CUBN: variants seen among roughly 807,000 people sequenced by gnomAD.
CUBN encodes 460 kDa receptor.
In CUBN, 282 loss-of-function variants were observed where a neutral mutation model predicts 405.3. That is an observed-to-expected ratio of 0.70 (90% CI 0.63 to 0.77). The LOEUF (loss-of-function observed/expected upper bound fraction) is 0.77, where lower values mean the gene tolerates loss of function less well. CUBN is among the 30% of genes least tolerant of loss of function. CUBN has a pLI of 0.00. For missense variants in CUBN, 4,514 were observed against 4,475.2 expected (o/e 1.01, Z -0.25); for synonymous variants, 1,684 against 1,617.0 (o/e 1.04, Z -0.99).
intron 59 of CUBN, among the ~76,000 whole-genome samples, chr10:16,866,406 C>A (rs1169785574): frequency 6.6e-6 from 1 of 152,108 alleles, no homozygotes; most frequent in Admixed American, 6.5e-5. Context: ...CACACATAAA[C>A]AGAGTCAAGG....
At chr10:17,010,147 G>C (rs181450087) in intron 28 of CUBN, among the ~76,000 whole-genome samples, 1 of 152,222 alleles carries the variant, frequency 6.6e-6, no homozygotes, top group African/African-American at 2.4e-5. Context: ...TGGGTAGCAC[G>C]TATGCTCTGG....
intron 31 of CUBN, among the ~76,000 whole-genome samples, chr10:16,957,725 G>A (rs996230069): frequency 6.6e-6 from 1 of 152,010 alleles, no homozygotes; most frequent in Non-Finnish European, 1.5e-5. Flanking sequence ...TCTCACTCCT[G>A]GGATAAGCAG....
chr10:16,929,893 T>C (rs745573238), intron 40 of CUBN, among the ~76,000 whole-genome samples: 18 of 152,206 alleles, frequency 1.2e-4, no homozygotes, highest in Non-Finnish European at 2.2e-4. Context: ...ATTTCTTTTC[T>C]AAAATTCACT....
intron 60 of CUBN, among the ~76,000 whole-genome samples, chr10:16,848,585 C>CTG (rs1839587287): frequency 6.6e-6 from 1 of 151,274 alleles, no homozygotes; most frequent in Admixed American, 6.6e-5. Flanking sequence ...AGTCCCCATA[C>CTG]TCTCCGTCTC....
intron 36 of CUBN, among the ~76,000 whole-genome samples, chr10:16,941,364 T>C (rs1842646121): frequency 1.3e-5 from 2 of 152,134 alleles, no homozygotes; most frequent in African/African-American, 4.8e-5. Context: ...ACTAACTTAA[T>C]ATTTCTCAAG....
chr10:17,086,429 C>T (rs1050502929), intron 15 of CUBN, among the ~76,000 whole-genome samples: 4 of 151,956 alleles, frequency 2.6e-5, no homozygotes, highest in Non-Finnish European at 5.9e-5. Context: ...CCATTGATGC[C>T]AACTGATTCA....
Position 17,113,889 on chromosome 10 carries a change from G to A in CUBN, c.883+138C>T, listed in dbSNP as rs117390818. 648 of 850,300 alleles carry A rather than the reference G, an allele frequency of 7.6e-4. 4 individuals are homozygous for A. In the East Asian group the frequency reaches 0.014, roughly 18 times the overall value. 52.7% of individuals were successfully genotyped at this position (850,300 alleles called of 1,614,324 possible). On this transcript the variant is annotated intron_variant, in intron 8 of 66. Coordinates refer to ENST00000377833, the MANE Select transcript of CUBN (RefSeq NM_001081.4). ...GAATTGTGATAGCAGTGAGATCGTC[G>A]AGCAGAACCAGGACACAAAACTGGA...
rs1426105668 is a variant in CUBN at position 16,903,958 on chromosome 10, A to G, written c.8062+8T>C. On this transcript the variant is annotated splice_region_variant and intron_variant, in intron 51 of 66. Transcript: ENST00000377833. ...TAATTTTATCAAGATCTTAATTATA[A>G]TTCTTACCTGTAAAGGAATACTTTG... 3.2e-6 allele frequency: 5 copies of G among 1,586,756 alleles called. 1 individual carries two copies. The highest frequency in any genetic ancestry group is 3.3e-4 in the Middle Eastern group (2 of 6,020).
At chr10:17,128,652 T>C (rs958118277) in intron 2 of CUBN, among the ~76,000 whole-genome samples, 1 of 152,170 alleles carries the variant, frequency 6.6e-6, no homozygotes, top group African/African-American at 2.4e-5. Flanking sequence ...TCTTTTAGCA[T>C]ACTCCCTCTA....
Position 16,937,709 on chromosome 10 carries a change from T to A in CUBN, c.5809A>T (p.Thr1937Ser). The A allele has an allele frequency of 1.2e-6, 2 of 1,614,116 alleles. No individual in the cohort carries two copies. Among genetic ancestry groups the A allele is most frequent in the Non-Finnish European group, 1.7e-6 (2 of 1,180,004 alleles). The change falls in exon 39 of 67, where the codon ACT (threonine) becomes TCT (serine). Residue 1937 changes from threonine to serine, a missense_variant. Transcript: ENST00000377833. ...CGTQTESFSSTGNSLTFHFYS... is the reference protein window; with the variant it reads ...CGTQTESFSSSGNSLTFHFYS... ...AAATGAAATGTCAAAGAATTTCCAG[T>A]GGAGCTGAAAGATTCAGTCTGGGTA...
intron 28 of CUBN, among the ~76,000 whole-genome samples, chr10:17,004,848 T>C (rs1833975521): frequency 6.6e-6 from 1 of 152,048 alleles, no homozygotes. Flanking sequence ...TTTTGAATTT[T>C]TAGTAGAGAT....
chr10:17,089,936 G>A (rs1836215318), intron 14 of CUBN, among the ~76,000 whole-genome samples: 1 of 152,054 alleles, frequency 6.6e-6, no homozygotes, highest in African/African-American at 2.4e-5. Flanking sequence ...GGCCTGGGCA[G>A]CCATCGCTAC....
intron 14 of CUBN, among the ~76,000 whole-genome samples, chr10:17,099,400 G>A (rs1293255990): frequency 6.6e-6 from 1 of 152,150 alleles, no homozygotes; most frequent in Non-Finnish European, 1.5e-5. Context: ...CAATATTCCT[G>A]CAGTAAACTA....
chr10:17,049,821 A>G (rs914637154), intron 22 of CUBN, among the ~76,000 whole-genome samples: 15 of 152,356 alleles, frequency 9.8e-5, no homozygotes, highest in African/African-American at 3.6e-4. Context: ...GAATTAATTT[A>G]TTTAGCATAA....
At chr10:17,025,958 G>A (rs1281066001) in intron 27 of CUBN, among the ~76,000 whole-genome samples, 1 of 152,158 alleles carries the variant, frequency 6.6e-6, no homozygotes, top group African/African-American at 2.4e-5. Context: ...AGGCTGTTAA[G>A]GCTGCCACGG....
chr10:17,032,692 T>C (rs1359715752), intron 27 of CUBN, among the ~76,000 whole-genome samples: 1 of 152,162 alleles, frequency 6.6e-6, no homozygotes, highest in Admixed American at 6.5e-5. Context: ...AGTTTGCTTG[T>C]TTGTATGAGG....
intron 36 of CUBN, among the ~76,000 whole-genome samples, chr10:16,941,440 C>T (rs1239915540): frequency 5.9e-5 from 9 of 152,126 alleles, no homozygotes; most frequent in Admixed American, 1.3e-4. Flanking sequence ...ATCTTTGTGA[C>T]CTTGGGATGG....
At chr10:17,120,519 C>G (rs1048472412) in intron 6 of CUBN, among the ~76,000 whole-genome samples, 1 of 152,174 alleles carries the variant, frequency 6.6e-6, no homozygotes, top group Non-Finnish European at 1.5e-5. Context: ...CTTCTGTATT[C>G]TTGCTCTCCT....
intron 56 of CUBN, 111 bp downstream of exon 56, chr10:16,888,306 C>A: frequency 2.3e-6 from 2 of 854,740 alleles, no homozygotes; most frequent in South Asian, 1.5e-5. Context: ...TGTTAATTAA[C>A]TGGATTTAGC....
Sources: allele counts gnomAD v4.1 joint callset (sites outside exome capture counted in the v4.1 genomes callset), GRCh38; gene constraint gnomAD v4.1.1; transcripts MANE v1.5; gene names NCBI Gene and HGNC (gene_info 2026-07-23, HGNC 2026-07-21).